Variants in CNOT4 observed in about 807,000 individuals in gnomAD.
CNOT4 encodes the protein CCR4-NOT transcription complex subunit 4.
In CNOT4, 8 loss-of-function variants were observed where a neutral mutation model predicts 73.8. The observed-to-expected ratio is 0.11, with a 90% CI of 0.06 to 0.20. The LOEUF (loss-of-function observed/expected upper bound fraction) is 0.20, where lower values mean the gene tolerates loss of function less well. Ranked by LOEUF, CNOT4 falls within the 10% of genes least tolerant of loss-of-function variation. The probability of loss-of-function intolerance (pLI) is 1.00; values close to 1 mark genes in which losing one functional copy is unlikely to be tolerated. For synonymous variants in CNOT4, 293 were observed against 321.1 expected (o/e 0.91, Z 0.94); for missense variants, 564 against 883.4 (o/e 0.64, Z 4.58).
chr7:135,412,502 TAA>T (rs1423822200), intron 6 of CNOT4, among the ~76,000 whole-genome samples: 1 of 151,926 alleles, frequency 6.6e-6, no homozygotes, highest in Admixed American at 6.6e-5. Flanking sequence ...AGAAATCAGT[TAA>T]GTCATCTGTC....
At chr7:135,505,564 G>A (rs1399629422) in intron 1 of CNOT4, among the ~76,000 whole-genome samples, 1 of 151,620 alleles carries the variant, frequency 6.6e-6, no homozygotes, top group Non-Finnish European at 1.5e-5. Context: ...GGAGTAGCGG[G>A]GAGAAAAAAA....
chr7:135,452,923 A>C (rs535148953), intron 1 of CNOT4, among the ~76,000 whole-genome samples: 40 of 152,354 alleles, frequency 2.6e-4, no homozygotes, highest in African/African-American at 9.6e-4. Flanking sequence ...GCTGAGACTA[A>C]TTAGTGTGCT....
At chr7:135,448,349 C>A (rs1459704155) in intron 1 of CNOT4, among the ~76,000 whole-genome samples, 1 of 151,938 alleles carries the variant, frequency 6.6e-6, no homozygotes, top group Non-Finnish European at 1.5e-5. Context: ...TCGAGACCAG[C>A]CTGGCCAACA....
In CNOT4 at chr7:135,362,787, G is replaced by T; in HGVS notation, c.*98C>A. On this transcript the variant is annotated 3_prime_UTR_variant, in exon 12 of 12. Transcript: ENST00000541284. The stretch of plus-strand genomic sequence containing the variant: ...AATTGATCAGGTACTGGATTCTTCA[G>T]AACATAAGAGATGAGAAGGGAGCTG... 1 of 1,140,778 alleles carries T rather than the reference G, an allele frequency of 8.8e-7. No individual in the cohort carries two copies. Among genetic ancestry groups the T allele is most frequent in the Non-Finnish European group, 1.3e-6 (1 of 750,604 alleles). The allele number at this position is 1,140,778 out of a possible 1,614,324, so 70.7% of individuals were successfully genotyped here. A position where few individuals can be genotyped will look rare whatever the true frequency, so the allele number is the denominator to read the frequency against.
intron 1 of CNOT4, among the ~76,000 whole-genome samples, chr7:135,495,877 T>TA (rs1227918581): frequency 6.7e-6 from 1 of 149,810 alleles, no homozygotes; most frequent in African/African-American, 2.5e-5. Context: ...AAGGCTGCAA[T>TA]AAGCTATGAT....
chr7:135,503,178 A>G (rs1206890093), intron 1 of CNOT4, among the ~76,000 whole-genome samples: 1 of 152,050 alleles, frequency 6.6e-6, no homozygotes, highest in African/African-American at 2.4e-5. Flanking sequence ...AAGACATTTT[A>G]TTATATCACA....
At chr7:135,395,581 T>G in intron 9 of CNOT4, 53 bp downstream of exon 9, 1 of 1,552,990 alleles carries the variant, frequency 6.4e-7, no homozygotes, top group Non-Finnish European at 8.7e-7. Flanking sequence ...TGTTAGTCTG[T>G]CAACAATACG....
intron 1 of CNOT4, among the ~76,000 whole-genome samples, chr7:135,463,485 C>G (rs1402656934): frequency 2.9e-4 from 2 of 6,930 alleles, no homozygotes; most frequent in Non-Finnish European, 7.8e-4. Context: ...TTGCAGTGAG[C>G]CGAGATCGCG....
At chr7:135,380,900 A>G (rs1157688795) in intron 10 of CNOT4, among the ~76,000 whole-genome samples, 1 of 152,202 alleles carries the variant, frequency 6.6e-6, no homozygotes, top group Non-Finnish European at 1.5e-5. Context: ...CATGATTCCA[A>G]TACAAATCAT....
intron 1 of CNOT4, among the ~76,000 whole-genome samples, chr7:135,484,183 G>A (rs1802569239): frequency 6.6e-6 from 1 of 151,360 alleles, no homozygotes; most frequent in Admixed American, 6.6e-5. Flanking sequence ...TGACAGAGTG[G>A]GACCTCATCT....
chr7:135,470,272 G>A (rs189681012), intron 1 of CNOT4, among the ~76,000 whole-genome samples: 1 of 151,862 alleles, frequency 6.6e-6, no homozygotes, highest in East Asian at 1.9e-4. Context: ...TAGGACCCAC[G>A]GGCACATAAC....
intron 1 of CNOT4, among the ~76,000 whole-genome samples, chr7:135,461,115 A>G (rs1337039735): frequency 1.3e-5 from 2 of 152,218 alleles, no homozygotes; most frequent in Non-Finnish European, 2.9e-5. Context: ...AGATCTGTGA[A>G]AGCAGAAAAT....
intron 1 of CNOT4, among the ~76,000 whole-genome samples, chr7:135,467,930 G>T (rs866305678): frequency 1.1e-4 from 17 of 152,074 alleles, no homozygotes; most frequent in African/African-American, 3.6e-4. Flanking sequence ...CATCATTACA[G>T]ATCGGCCAGG....
rs552165550 is a variant in CNOT4 at position 135,477,380 on chromosome 7, G to C, written c.-93+32509C>G. ...AAATTAATTTTACTTTTACTCACTG[G>C]ATGATCAGAATTAAAATCAATAAAA... On this transcript the variant is annotated intron_variant, in intron 1 of 11. Coordinates refer to ENST00000541284, the MANE Select transcript of CNOT4 (RefSeq NM_001190850.2). Among the ~76,000 whole-genome samples, 3 of 152,142 alleles carry C rather than the reference G, an allele frequency of 2.0e-5. No individual in the cohort carries two copies. The East Asian group carries it at 5.8e-4, about 29-fold the overall frequency.
At chr7:135,479,768 T>C (rs1308681685) in intron 1 of CNOT4, among the ~76,000 whole-genome samples, 2 of 151,948 alleles carry the variant, frequency 1.3e-5, no homozygotes, top group Non-Finnish European at 2.9e-5. Context: ...GTGGTACCTG[T>C]GGTCCCAGCT....
chr7:135,472,087 C>A (rs994873592), intron 1 of CNOT4, among the ~76,000 whole-genome samples: 1 of 151,424 alleles, frequency 6.6e-6, no homozygotes, highest in Non-Finnish European at 1.5e-5. Flanking sequence ...GCAGGAGTAG[C>A]GCTTGAGCCT....
intron 10 of CNOT4, among the ~76,000 whole-genome samples, chr7:135,375,777 T>C (rs960038164): frequency 1.3e-5 from 2 of 151,984 alleles, no homozygotes; most frequent in Non-Finnish European, 2.9e-5. Flanking sequence ...TACAAAAAAT[T>C]AGCCAGGCAT....
At chr7:135,388,241 T>G (rs535337110) in intron 10 of CNOT4, 6 of 985,020 alleles carry the variant, frequency 6.1e-6, no homozygotes, top group East Asian at 1.1e-4. Flanking sequence ...TTTCTACACA[T>G]GTAATGCATA....
intron 1 of CNOT4, among the ~76,000 whole-genome samples, chr7:135,472,777 T>C (rs1801720890): frequency 6.6e-6 from 1 of 151,770 alleles, no homozygotes. Context: ...CAGTAGCTCA[T>C]ACCTACAATC....
Sources: allele counts gnomAD v4.1 joint callset (sites outside exome capture counted in the v4.1 genomes callset), GRCh38; gene constraint gnomAD v4.1.1; transcripts MANE v1.5; gene names NCBI Gene and HGNC (gene_info 2026-07-23, HGNC 2026-07-21).